PCDH9: variants seen among roughly 807,000 people sequenced by gnomAD.
PCDH9 encodes protocadherin 9.
PCDH9 carries 24 observed loss-of-function variants against 70.6 expected under a neutral mutation model. That is an observed-to-expected ratio of 0.34 (90% CI 0.25 to 0.48). The LOEUF (loss-of-function observed/expected upper bound fraction) is 0.48. Ranked by LOEUF, PCDH9 falls within the 20% of genes least tolerant of loss-of-function variation. The pLI is 0.99. For missense variants in PCDH9, 1,281 were observed against 1,503.6 expected (o/e 0.85, Z 2.45); for synonymous variants, 562 against 558.5 (o/e 1.01, Z -0.09).
intron 3 of PCDH9, among the ~76,000 whole-genome samples, chr13:66,864,380 G>A (rs977630415): frequency 3.9e-5 from 6 of 152,050 alleles, no homozygotes; most frequent in Admixed American, 6.6e-5. Context: ...GGTGGGGGGC[G>A]TGAAAAGACA....
chr13:66,396,491 C>T (rs374162966), intron 4 of PCDH9, among the ~76,000 whole-genome samples: 6 of 152,140 alleles, frequency 3.9e-5, no homozygotes, highest in Non-Finnish European at 1.5e-5. Context: ...ACTAATTCCA[C>T]GTGTAGCAAA....
intron 3 of PCDH9, among the ~76,000 whole-genome samples, chr13:66,828,810 A>AAAAAAAAAAAAAAAAATAATAAT (rs71207607): frequency 6.7e-6 from 1 of 148,608 alleles, no homozygotes; most frequent in African/African-American, 2.5e-5. Context: ...GCCATACATA[A>AAAAAAAAAAAAAAAAATAATAAT]AATAATAATA....
chr13:66,681,758 ATC>A (rs2078323473), intron 3 of PCDH9, among the ~76,000 whole-genome samples: 1 of 151,838 alleles, frequency 6.6e-6, no homozygotes, highest in African/African-American at 2.4e-5. Context: ...TTCCAACATC[ATC>A]TCTGCTGTAA....
At chr13:66,824,801 C>T (rs1261510533) in intron 3 of PCDH9, among the ~76,000 whole-genome samples, 1 of 150,626 alleles carries the variant, frequency 6.6e-6, no homozygotes, top group African/African-American at 2.5e-5. Flanking sequence ...CAATTTTCAA[C>T]TCAACAAAAT....
chr13:67,149,016 A>G (rs1354465199), intron 2 of PCDH9, among the ~76,000 whole-genome samples: 1 of 152,224 alleles, frequency 6.6e-6, no homozygotes, highest in Non-Finnish European at 1.5e-5. Context: ...CAAAACTTAC[A>G]AAGGTTTTTA....
intron 3 of PCDH9, among the ~76,000 whole-genome samples, chr13:66,807,461 T>C (rs2080428739): frequency 6.6e-6 from 1 of 152,168 alleles, no homozygotes; most frequent in Non-Finnish European, 1.5e-5. Flanking sequence ...TATAAGAACT[T>C]GCAGCTGGGA....
intron 4 of PCDH9, among the ~76,000 whole-genome samples, chr13:66,426,483 G>T (rs1434217747): frequency 6.7e-6 from 1 of 149,948 alleles, no homozygotes; most frequent in East Asian, 2.0e-4. Context: ...TTTGAACAAT[G>T]CAAAATTAAG....
chr13:67,006,174 C>T (rs1346301313), intron 2 of PCDH9, among the ~76,000 whole-genome samples: 1 of 152,140 alleles, frequency 6.6e-6, no homozygotes, highest in Non-Finnish European at 1.5e-5. Context: ...TTGCAGTGAG[C>T]GGAGATCGTG....
intron 4 of PCDH9, among the ~76,000 whole-genome samples, chr13:66,588,524 A>C (rs528681208): frequency 5.6e-4 from 85 of 151,952 alleles, no homozygotes; most frequent in African/African-American, 2.0e-3. Context: ...GTATATACAC[A>C]CACACACATA....
chr13:66,734,159 GAGTTTA>G (rs2079113108), intron 3 of PCDH9, among the ~76,000 whole-genome samples: 1 of 152,144 alleles, frequency 6.6e-6, no homozygotes, highest in South Asian at 2.1e-4. Flanking sequence ...ACTTGGAACT[GAGTTTA>G]AGCATGTGGG....
chr13:66,447,444 A>G (rs1445888355), intron 4 of PCDH9, among the ~76,000 whole-genome samples: 1 of 152,102 alleles, frequency 6.6e-6, no homozygotes, highest in Non-Finnish European at 1.5e-5. Flanking sequence ...GAATCTGCCC[A>G]TATTAATGCA....
chr13:67,011,039 CAT>C (rs1158514365), intron 2 of PCDH9, among the ~76,000 whole-genome samples: 1 of 151,916 alleles, frequency 6.6e-6, no homozygotes, highest in African/African-American at 2.4e-5. Context: ...GAAATGAAGA[CAT>C]ATGTATGACA....
chr13:66,534,742 A>G (rs1021902473), intron 4 of PCDH9, among the ~76,000 whole-genome samples: 4 of 152,116 alleles, frequency 2.6e-5, no homozygotes, highest in Non-Finnish European at 4.4e-5. Flanking sequence ...GAACTATGCG[A>G]ACTGGTGACT....
At chr13:66,312,957 A>G (rs953274380) in intron 4 of PCDH9, among the ~76,000 whole-genome samples, 1 of 152,224 alleles carries the variant, frequency 6.6e-6, no homozygotes, top group Non-Finnish European at 1.5e-5. Flanking sequence ...CAGGGAATTC[A>G]CTGCCAGAGA....
intron 2 of PCDH9, among the ~76,000 whole-genome samples, chr13:67,060,248 A>G (rs1204411096): frequency 1.3e-5 from 2 of 151,992 alleles, no homozygotes; most frequent in African/African-American, 2.4e-5. Flanking sequence ...CCCATGCTTT[A>G]TTCTGTATCA....
intron 2 of PCDH9, among the ~76,000 whole-genome samples, chr13:66,993,887 G>A (rs1055027826): frequency 6.6e-6 from 1 of 152,050 alleles, no homozygotes; most frequent in Non-Finnish European, 1.5e-5. Flanking sequence ...GATTGTCTAC[G>A]GCATTTGCAT....
Position 66,305,034 on chromosome 13 carries a change from G to C in PCDH9, c.3341-6C>G. 6.4e-7 allele frequency: 1 copy of C among 1,574,632 alleles called. No individual in the cohort carries two copies. The highest frequency in any genetic ancestry group is 8.6e-7 in the Non-Finnish European group (1 of 1,161,292). On this transcript the variant is annotated splice_polypyrimidine_tract_variant and splice_region_variant and intron_variant, in intron 4 of 4. Transcript: ENST00000377865. The stretch of plus-strand genomic sequence containing the variant: ...TCGGGGACCCAAAGGCCCATCTGCA[G>C]AAGACAAGAGAGAGAAAATAAGAAA...
intron 4 of PCDH9, among the ~76,000 whole-genome samples, chr13:66,419,016 A>G (rs987093692): frequency 3.3e-5 from 5 of 152,134 alleles, no homozygotes; most frequent in African/African-American, 1.2e-4. Flanking sequence ...CTAGACACAT[A>G]CACCCTCCCT....
intron 2 of PCDH9, among the ~76,000 whole-genome samples, chr13:67,167,721 C>T (rs2088161066): frequency 6.6e-6 from 1 of 152,168 alleles, no homozygotes; most frequent in Non-Finnish European, 1.5e-5. Flanking sequence ...AAGTTCTAAA[C>T]TCCATTTTAT....
Sources: gnomAD v4.1 joint callset for allele counts (sites outside exome capture counted in the v4.1 genomes callset) on GRCh38, gnomAD v4.1.1 for gene constraint, MANE v1.5 for transcripts, NCBI Gene and HGNC (gene_info 2026-07-23, HGNC 2026-07-21) for gene names.